The following TYW1 variants were observed in gnomAD, a reference collection of about 807,000 sequenced individuals.
TYW1 encodes S-adenosyl-L-methionine-dependent tRNA 4-demethylwyosine synthase TYW1.
In TYW1, 46 loss-of-function variants were observed where a neutral mutation model predicts 96.2. The observed-to-expected ratio is 0.48, with a 90% CI of 0.38 to 0.61. The LOEUF (loss-of-function observed/expected upper bound fraction) is 0.61, where lower values mean the gene tolerates loss of function less well. Among genes scored for constraint, TYW1 ranks in the 20% least tolerant of loss-of-function variants. TYW1 has a pLI of 0.00. For missense variants in TYW1, 684 were observed against 909.6 expected (o/e 0.75, Z 3.19); for synonymous variants, 274 against 323.0 (o/e 0.85, Z 1.63).
At chr7:67,226,379 C>G (rs569740573) in intron 15 of TYW1, among the ~76,000 whole-genome samples, 94 of 152,226 alleles carry the variant, frequency 6.2e-4, no homozygotes, top group Middle Eastern at 3.4e-3. Context: ...TAAACTGCCC[C>G]TAGGATGAGT....
At position 67,238,632 on chromosome 7, in the gene TYW1, T is replaced by C; in HGVS notation, c.*103T>C. Reference sequence around the variant, plus strand: ...CAAGGACGAATTACGTAAATTATACTTTCATACAAAGGAGACGATAAGGCA... The same window carrying C: ...CAAGGACGAATTACGTAAATTATACCTTCATACAAAGGAGACGATAAGGCA... On this transcript the variant is annotated 3_prime_UTR_variant, in exon 16 of 16. Transcript: ENST00000359626. The C allele has an allele frequency of 2.7e-6, 4 of 1,498,892 alleles. No homozygotes were observed. Among genetic ancestry groups the C allele is most frequent in the Non-Finnish European group, 3.6e-6 (4 of 1,123,424 alleles). The allele number at this position is 1,498,892 out of a possible 1,614,324, so 92.8% of individuals were successfully genotyped here. A position where few individuals can be genotyped will look rare whatever the true frequency, so the allele number is the denominator to read the frequency against.
At chr7:67,037,435 C>T (rs1209699900) in intron 7 of TYW1, among the ~76,000 whole-genome samples, 2 of 147,832 alleles carry the variant, frequency 1.4e-5, no homozygotes, top group Non-Finnish European at 3.0e-5. Flanking sequence ...ACCCAGAAGG[C>T]GGAGGTTGCA....
chr7:67,190,251 G>C (rs549741698), intron 14 of TYW1, among the ~76,000 whole-genome samples: 7 of 152,182 alleles, frequency 4.6e-5, no homozygotes, highest in Non-Finnish European at 1.5e-5. Flanking sequence ...TTATCAGCTG[G>C]TTCATACCTG....
chr7:67,227,930 C>T (rs1801618952), intron 15 of TYW1, among the ~76,000 whole-genome samples: 2 of 152,304 alleles, frequency 1.3e-5, no homozygotes, highest in South Asian at 4.1e-4. Flanking sequence ...ATGAATATAA[C>T]AGCTTTCAGA....
At position 67,213,938 on chromosome 7, in the gene TYW1, C is replaced by G. The variant is rs538163281; in HGVS notation, c.1977+18601C>G. Among the ~76,000 whole-genome samples, 7 of 152,260 alleles carry G rather than the reference C, an allele frequency of 4.6e-5. No individual in the cohort carries two copies. The East Asian group carries it at 1.4e-3, about 29-fold the overall frequency. ...TGTAACTTTATAGTAAGTTTTGAAG[C>G]TGAGTAGTGTCACTCTTCTAACTTG... On this transcript the variant is annotated intron_variant, in intron 15 of 15. Coordinates refer to ENST00000359626, the MANE Select transcript of TYW1 (RefSeq NM_018264.4).
chr7:67,192,934 G>T (rs765778689), intron 14 of TYW1, among the ~76,000 whole-genome samples: 1 of 152,174 alleles, frequency 6.6e-6, no homozygotes, highest in Non-Finnish European at 1.5e-5. Flanking sequence ...TCGGACACGC[G>T]CAGTTGTCTG....
chr7:67,125,560 C>T (rs1229419590), intron 13 of TYW1, among the ~76,000 whole-genome samples: 2 of 152,030 alleles, frequency 1.3e-5, no homozygotes, highest in Non-Finnish European at 2.9e-5. Context: ...GATGAACCTA[C>T]ACGGATCCAT....
chr7:67,226,229 T>C (rs1396305143), intron 15 of TYW1, among the ~76,000 whole-genome samples: 9 of 152,182 alleles, frequency 5.9e-5, no homozygotes, highest in Admixed American at 2.6e-4. Flanking sequence ...AAAACAAAGA[T>C]GATAATAGCC....
Position 67,136,946 on chromosome 7 carries a change from C to T in TYW1, c.1698+19328C>T, listed in dbSNP as rs112147522. On this transcript the variant is annotated intron_variant, in intron 13 of 15. Transcript: ENST00000359626. ...CAAGCAATTCTCCTGCCTCAGCCTC[C>T]TGAGTAGCTGGGATTACAGGTGCCT... 4.6e-3 allele frequency among the ~76,000 whole-genome samples: 704 copies of T among 151,954 alleles called. 6 individuals are homozygous for T. The highest frequency in any genetic ancestry group is 0.016 in the African/African-American group (654 of 41,408).
intron 15 of TYW1, among the ~76,000 whole-genome samples, chr7:67,220,120 C>G (rs945515353): frequency 1.3e-5 from 2 of 148,470 alleles, no homozygotes; most frequent in African/African-American, 5.0e-5. Flanking sequence ...GTGATTTCTT[C>G]TGTGATCCAT....
chr7:67,138,973 G>C (rs1453165919), intron 13 of TYW1, among the ~76,000 whole-genome samples: 1 of 151,812 alleles, frequency 6.6e-6, no homozygotes, highest in African/African-American at 2.4e-5. Flanking sequence ...TCGATATACT[G>C]ATCTGAAAAG....
chr7:67,116,810 A>G (rs912555202), intron 12 of TYW1, among the ~76,000 whole-genome samples: 4 of 152,190 alleles, frequency 2.6e-5, no homozygotes, highest in Non-Finnish European at 5.9e-5. Context: ...GTATTCATGG[A>G]AACTGATTGT....
chr7:67,029,091 T>C (rs1381797244), intron 7 of TYW1, among the ~76,000 whole-genome samples: 23 of 151,754 alleles, frequency 1.5e-4, no homozygotes, highest in Admixed American at 1.1e-3. Context: ...CTCTGCCTCC[T>C]GGGTTCACGT....
At chr7:67,186,512 C>T (rs1250116180) in intron 14 of TYW1, among the ~76,000 whole-genome samples, 4 of 152,092 alleles carry the variant, frequency 2.6e-5, no homozygotes, top group Non-Finnish European at 4.4e-5. Context: ...TTTTCTGAGA[C>T]AGTCTTGCTC....
chr7:67,209,962 C>T (rs1191396249), intron 15 of TYW1, among the ~76,000 whole-genome samples: 1 of 151,800 alleles, frequency 6.6e-6, no homozygotes, highest in Non-Finnish European at 1.5e-5. Context: ...TCCCATATAC[C>T]CTAGATTTGT....
intron 5 of TYW1, among the ~76,000 whole-genome samples, 158 bp downstream of exon 5, chr7:67,014,719 C>A (rs924279682): frequency 6.6e-6 from 1 of 152,108 alleles, no homozygotes; most frequent in Non-Finnish European, 1.5e-5. Flanking sequence ...AAATACATTT[C>A]TTCTATTATT....
chr7:67,101,765 T>C (rs1387034162), intron 12 of TYW1, among the ~76,000 whole-genome samples: 2 of 152,174 alleles, frequency 1.3e-5, no homozygotes, highest in Admixed American at 6.5e-5. Context: ...CCCAAAGTGC[T>C]GGGATTACAG....
intron 3 of TYW1, among the ~76,000 whole-genome samples, chr7:67,004,683 T>C (rs1238386210): frequency 6.6e-6 from 1 of 152,224 alleles, no homozygotes; most frequent in African/African-American, 2.4e-5. Context: ...TAGCATTTGT[T>C]TGCCTGAAAG....
intron 12 of TYW1, among the ~76,000 whole-genome samples, chr7:67,114,673 T>C (rs1218305656): frequency 1.3e-5 from 2 of 152,194 alleles, no homozygotes; most frequent in Non-Finnish European, 2.9e-5. Flanking sequence ...GTAAGACTCT[T>C]TTGCTTTTTG....
Sources: allele counts gnomAD v4.1 joint callset (sites outside exome capture counted in the v4.1 genomes callset), GRCh38; gene constraint gnomAD v4.1.1; transcripts MANE v1.5; gene names NCBI Gene and HGNC (gene_info 2026-07-23, HGNC 2026-07-21).